Variants in SORCS1 observed in about 807,000 individuals in gnomAD.
SORCS1 encodes the protein sortilin related VPS10 domain containing receptor 1.
Under a neutral mutation model 146.1 loss-of-function variants are expected in SORCS1, and 60 were observed. The observed-to-expected ratio is 0.41, with a 90% CI of 0.33 to 0.51. The LOEUF (loss-of-function observed/expected upper bound fraction) is 0.51. Among genes scored for constraint, SORCS1 ranks in the 20% least tolerant of loss-of-function variants. SORCS1 has a pLI of 0.21. For synonymous variants in SORCS1, 637 were observed against 584.0 expected, an observed-to-expected ratio of 1.09 and a Z score of -1.31; for missense variants, 1,352 against 1,487.6, an observed-to-expected ratio of 0.91 and a Z score of 1.50.
At chr10:106,686,538 G>A (rs1852856298) in intron 10 of SORCS1, among the ~76,000 whole-genome samples, 1 of 152,184 alleles carries the variant, frequency 6.6e-6, no homozygotes, top group Non-Finnish European at 1.5e-5. Flanking sequence ...GCTGAACTAG[G>A]AAGGTGGCCC....
At chr10:106,706,202 GAAAGAAAA>G (rs1245189360) in intron 8 of SORCS1, among the ~76,000 whole-genome samples, 2 of 136,706 alleles carry the variant, frequency 1.5e-5, no homozygotes, top group Non-Finnish European at 3.2e-5. Context: ...AAGAAAGAAA[GAAAGAAAA>G]AAGAAAGAAA....
chr10:107,018,901 C>G (rs1958010664), intron 1 of SORCS1, among the ~76,000 whole-genome samples: 1 of 152,152 alleles, frequency 6.6e-6, no homozygotes, highest in Non-Finnish European at 1.5e-5. Context: ...ATAATCTAGG[C>G]TTTTAACAGT....
At chr10:106,982,938 TTCACCTTATA>T (rs1240660858) in intron 1 of SORCS1, among the ~76,000 whole-genome samples, 11 of 151,998 alleles carry the variant, frequency 7.2e-5, no homozygotes, top group Admixed American at 2.0e-4. Flanking sequence ...TCTTACTATA[TTCACCTTATA>T]TCACAAGTGC....
At chr10:106,787,275 C>G (rs1170890747) in intron 3 of SORCS1, among the ~76,000 whole-genome samples, 1 of 152,070 alleles carries the variant, frequency 6.6e-6, no homozygotes, top group African/African-American at 2.4e-5. Context: ...AAATAGGATA[C>G]TTAGTGTTCC....
chr10:106,576,747 T>A lies in SORCS1; in HGVS notation c.*673A>T, dbSNP rs1397462874. The A allele has an allele frequency of 6.5e-6, 1 of 154,748 alleles. No homozygotes were observed. The highest frequency in any genetic ancestry group is 1.4e-5 in the Non-Finnish European group (1 of 69,834). The allele number at this position is 154,748 out of a possible 1,614,324, so 9.6% of individuals were successfully genotyped here. A position where few individuals can be genotyped will look rare whatever the true frequency, so the allele number is the denominator to read the frequency against. ...TACCAAAGCTAACTTAGAAGGGAAA[T>A]GACAGTATGGAAAGTGGAACAGAGA... On this transcript the variant is annotated 3_prime_UTR_variant, in exon 26 of 26. Transcript: ENST00000263054.
rs560894781 is a variant in SORCS1, at chr10:106,988,050, G to T, written c.559-31470C>A. Among the ~76,000 whole-genome samples the T allele has an allele frequency of 1.1e-3, 170 of 152,250 alleles. 1 individual carries two copies. Among genetic ancestry groups the T allele is most frequent in the African/African-American group, 3.0e-3 (126 of 41,548 alleles). ...TCCTCTCTCTCACTATATTACAGAAGAATATAGGAAGCTATCAATCTGCCA... is the reference window on the plus strand; with the variant it reads ...TCCTCTCTCTCACTATATTACAGAATAATATAGGAAGCTATCAATCTGCCA... On this transcript the variant is annotated intron_variant, in intron 1 of 25. Coordinates refer to ENST00000263054, the MANE Select transcript of SORCS1 (RefSeq NM_052918.5).
chr10:106,702,190 C>A (rs1854185133), intron 8 of SORCS1, among the ~76,000 whole-genome samples: 1 of 152,358 alleles, frequency 6.6e-6, no homozygotes, highest in Middle Eastern at 3.4e-3. Flanking sequence ...GACAACCAAA[C>A]CTCCCATGGC....
rs573853036 is a variant in SORCS1 at position 106,955,609 on chromosome 10, G to C, written c.626+904C>G. ...GAAGCAATACAGTGTGAATCCCAAAGATAAGGGTGTGCATGAGTGTGGGTA... is the reference window on the plus strand; with the variant it reads ...GAAGCAATACAGTGTGAATCCCAAACATAAGGGTGTGCATGAGTGTGGGTA... On this transcript the variant is annotated intron_variant, in intron 2 of 25. Transcript: ENST00000263054. Among the ~76,000 whole-genome samples the C allele has an allele frequency of 1.1e-3, 168 of 152,350 alleles. 3 individuals carry two copies. Among genetic ancestry groups the C allele is most frequent in the African/African-American group, 3.9e-3 (164 of 41,586 alleles).
chr10:106,829,820 CAGT>C (rs1424000964), intron 2 of SORCS1, 147 bp from the exon 3 acceptor site: 2 of 503,054 alleles, frequency 4.0e-6, no homozygotes, highest in Non-Finnish European at 7.1e-6. Flanking sequence ...ATTATGTACA[CAGT>C]AGCATCATGT....
chr10:107,055,491 G>T (rs574280166), intron 1 of SORCS1, among the ~76,000 whole-genome samples: 2 of 152,262 alleles, frequency 1.3e-5, no homozygotes, highest in Admixed American at 6.5e-5. Context: ...CTTTAAAAAA[G>T]CAAAGCCAGT....
At chr10:107,149,230 G>A (rs549893872) in intron 1 of SORCS1, among the ~76,000 whole-genome samples, 7 of 152,254 alleles carry the variant, frequency 4.6e-5, no homozygotes, top group Admixed American at 2.6e-4. Context: ...CAAGAAGAAC[G>A]GAAAGGGCCA....
intron 18 of SORCS1, among the ~76,000 whole-genome samples, chr10:106,644,952 A>G (rs984489094): frequency 2.0e-5 from 3 of 152,162 alleles, no homozygotes; most frequent in Non-Finnish European, 4.4e-5. Flanking sequence ...ATTCTGGTGC[A>G]TATGTGTATG....
chr10:107,139,337 C>G (rs933810957), intron 1 of SORCS1, among the ~76,000 whole-genome samples: 2 of 151,990 alleles, frequency 1.3e-5, no homozygotes, highest in Admixed American at 6.6e-5. Flanking sequence ...TATTTGGAAA[C>G]TCTGAAGAAA....
intron 1 of SORCS1, among the ~76,000 whole-genome samples, chr10:107,007,011 TG>T (rs1191438007): frequency 5.9e-5 from 9 of 152,236 alleles, no homozygotes; most frequent in Non-Finnish European, 1.3e-4. Context: ...TCATTTCCCT[TG>T]TATCTCCATG....
At chr10:106,739,952 A>C (rs1034153038) in intron 5 of SORCS1, among the ~76,000 whole-genome samples, 35 of 145,764 alleles carry the variant, frequency 2.4e-4, no homozygotes, top group Non-Finnish European at 3.9e-4. Context: ...CTCTGTCTCA[A>C]AAAAAAAAAA....
intron 1 of SORCS1, among the ~76,000 whole-genome samples, chr10:107,121,226 T>C (rs970575637): frequency 8.5e-5 from 13 of 152,254 alleles, no homozygotes; most frequent in East Asian, 5.8e-4. Flanking sequence ...ATTCATGAGA[T>C]TGTCTGGAAT....
At chr10:106,646,197 G>A (rs1057270625) in intron 18 of SORCS1, among the ~76,000 whole-genome samples, 10 of 151,358 alleles carry the variant, frequency 6.6e-5, no homozygotes, top group South Asian at 4.2e-4. Flanking sequence ...CCTGGGAGGC[G>A]GCCAAGATCA....
At chr10:107,049,387 C>T (rs926750516) in intron 1 of SORCS1, among the ~76,000 whole-genome samples, 3 of 151,572 alleles carry the variant, frequency 2.0e-5, no homozygotes, top group African/African-American at 7.3e-5. Context: ...ACCTGCACAT[C>T]GTGCACATGT....
intron 10 of SORCS1, among the ~76,000 whole-genome samples, chr10:106,683,501 T>C (rs1751639122): frequency 6.6e-6 from 1 of 152,216 alleles, no homozygotes; most frequent in Non-Finnish European, 1.5e-5. Flanking sequence ...AATTATCTAC[T>C]GTGTTTCTAG....
Sources: gnomAD v4.1 joint callset for allele counts (sites outside exome capture counted in the v4.1 genomes callset) on GRCh38, gnomAD v4.1.1 for gene constraint, MANE v1.5 for transcripts, NCBI Gene and HGNC (gene_info 2026-07-23, HGNC 2026-07-21) for gene names.